RIT2: variants seen among roughly 807,000 people sequenced by gnomAD.
RIT2 encodes the protein GTP-binding protein Rit2.
Under a neutral mutation model 23.7 loss-of-function variants are expected in RIT2, and 24 were observed. The ratio of observed to expected loss-of-function variants is 1.01; its 90% confidence interval spans 0.73 to 1.43. The LOEUF (loss-of-function observed/expected upper bound fraction) is 1.43, where lower values mean the gene tolerates loss of function less well. Ranked by LOEUF, RIT2 falls within the 40% of genes most tolerant of loss-of-function variation. The pLI, the probability that RIT2 is intolerant of heterozygous loss-of-function variation, is 0.00. For missense variants in RIT2, 236 were observed against 266.9 expected (o/e 0.88, Z 0.81); for synonymous variants, 107 against 91.1 (o/e 1.17, Z -0.99).
At chr18:42,803,080 T>C (rs1283257939) in intron 4 of RIT2, among the ~76,000 whole-genome samples, 1 of 152,204 alleles carries the variant, frequency 6.6e-6, no homozygotes, top group Non-Finnish European at 1.5e-5. Context: ...CATTCACATA[T>C]AATTTTAATT....
At chr18:42,759,553 C>T (rs370597922) in intron 4 of RIT2, among the ~76,000 whole-genome samples, 113 of 151,678 alleles carry the variant, frequency 7.4e-4, no homozygotes, top group East Asian at 7.4e-3. Flanking sequence ...TACAGTAAAA[C>T]GAAAGAAAAG....
chr18:42,893,235 A>C (rs1321599847), intron 4 of RIT2, among the ~76,000 whole-genome samples: 1 of 152,138 alleles, frequency 6.6e-6, no homozygotes, highest in Non-Finnish European at 1.5e-5. Flanking sequence ...CAAAAAAAAA[A>C]AAAAAAAAAG....
At chr18:42,828,790 C>T (rs1427766196) in intron 4 of RIT2, among the ~76,000 whole-genome samples, 1 of 152,222 alleles carries the variant, frequency 6.6e-6, no homozygotes, top group African/African-American at 2.4e-5. Flanking sequence ...AAGGCTTAGA[C>T]TCAGCCTTAT....
chr18:42,912,010 G>T (rs1908781876), intron 4 of RIT2, among the ~76,000 whole-genome samples: 1 of 151,570 alleles, frequency 6.6e-6, no homozygotes, highest in South Asian at 2.1e-4. Flanking sequence ...CAATATATCT[G>T]ATTAACTTAG....
intron 4 of RIT2, among the ~76,000 whole-genome samples, chr18:42,795,516 C>A (rs969483820): frequency 4.6e-5 from 7 of 152,242 alleles, no homozygotes; most frequent in Admixed American, 6.5e-5. Context: ...AGCCTCCCAC[C>A]CCCTCCATGG....
At chr18:42,795,891 C>T (rs1284914133) in intron 4 of RIT2, among the ~76,000 whole-genome samples, 2 of 152,128 alleles carry the variant, frequency 1.3e-5, no homozygotes, top group Non-Finnish European at 2.9e-5. Context: ...TGTGTGGACA[C>T]TCTGTATCTA....
intron 3 of RIT2, among the ~76,000 whole-genome samples, chr18:42,938,494 C>T (rs1909516952): frequency 6.6e-6 from 1 of 152,144 alleles, no homozygotes; most frequent in South Asian, 2.1e-4. Context: ...TCCTCCTCTT[C>T]CCTAAAAACA....
At chr18:43,011,115 C>CA (rs1221483400) in intron 2 of RIT2, among the ~76,000 whole-genome samples, 3 of 151,692 alleles carry the variant, frequency 2.0e-5, no homozygotes, top group African/African-American at 7.3e-5. Context: ...ATCCAAATGA[C>CA]AAAGAGGAGT....
At chr18:42,970,178 A>C (rs1910328377) in intron 3 of RIT2, among the ~76,000 whole-genome samples, 1 of 150,414 alleles carries the variant, frequency 6.6e-6, no homozygotes, top group East Asian at 1.9e-4. Context: ...GTAATGAGTA[A>C]TTTTTTTTTT....
intron 4 of RIT2, among the ~76,000 whole-genome samples, chr18:42,794,133 CT>C (rs749756751): frequency 2.0e-5 from 3 of 152,316 alleles, no homozygotes; most frequent in Non-Finnish European, 4.4e-5. Flanking sequence ...ACAGTTCACT[CT>C]TTCTGGTGAA....
intron 4 of RIT2, among the ~76,000 whole-genome samples, chr18:42,797,201 G>A (rs981624613): frequency 1.3e-5 from 2 of 152,194 alleles, no homozygotes; most frequent in Middle Eastern, 3.4e-3. Context: ...GAAAAGGACT[G>A]GAAATCAGGC....
At chr18:43,007,042 A>G (rs997284132) in intron 2 of RIT2, among the ~76,000 whole-genome samples, 2 of 151,612 alleles carry the variant, frequency 1.3e-5, no homozygotes, top group East Asian at 3.9e-4. Flanking sequence ...AAGGAAAGAA[A>G]ATATAAGCCA....
intron 2 of RIT2, among the ~76,000 whole-genome samples, chr18:42,979,053 T>G (rs1189380243): frequency 2.0e-5 from 3 of 152,160 alleles, no homozygotes; most frequent in South Asian, 2.1e-4. Context: ...AAATTATTTC[T>G]GCTATTTATA....
chr18:42,773,394 A>G (rs1297155459), intron 4 of RIT2, among the ~76,000 whole-genome samples: 2 of 152,162 alleles, frequency 1.3e-5, no homozygotes, highest in Non-Finnish European at 2.9e-5. Context: ...TAAACTGATG[A>G]AAAAAACAGT....
At chr18:43,040,339 T>C (rs554983591) in intron 1 of RIT2, among the ~76,000 whole-genome samples, 1 of 152,228 alleles carries the variant, frequency 6.6e-6, no homozygotes, top group Non-Finnish European at 1.5e-5. Flanking sequence ...CTCTGTCTTA[T>C]AAAGAATTTA....
chr18:42,919,819 C>A (rs1161868215), intron 4 of RIT2, among the ~76,000 whole-genome samples: 1 of 152,034 alleles, frequency 6.6e-6, no homozygotes, highest in East Asian at 1.9e-4. Flanking sequence ...TTTGCACAGC[C>A]GGTCAGGGTT....
intron 3 of RIT2, among the ~76,000 whole-genome samples, chr18:42,932,191 C>T (rs760402956): frequency 6.6e-6 from 1 of 152,036 alleles, no homozygotes; most frequent in Non-Finnish European, 1.5e-5. Context: ...TCTATAACAT[C>T]AGAAGTACAA....
chr18:42,802,618 A>C (rs942296718), intron 4 of RIT2, among the ~76,000 whole-genome samples: 99 of 152,210 alleles, frequency 6.5e-4, no homozygotes, highest in African/African-American at 2.2e-3. Context: ...GGCATTATTT[A>C]TTTTGTAAAC....
chr18:43,110,206 A>C (rs910279019), intron 1 of RIT2, among the ~76,000 whole-genome samples: 1 of 152,036 alleles, frequency 6.6e-6, no homozygotes, highest in African/African-American at 2.4e-5. Context: ...CATTATGTTA[A>C]GTGTATGCCT....
Sources: allele counts gnomAD v4.1 joint callset (sites outside exome capture counted in the v4.1 genomes callset), GRCh38; gene constraint gnomAD v4.1.1; transcripts MANE v1.5; gene names NCBI Gene and HGNC (gene_info 2026-07-23, HGNC 2026-07-21).